The following PDZD2 variants were observed in gnomAD, a reference collection of about 807,000 sequenced individuals.
The protein encoded by PDZD2 is PDZ domain containing 2.
In PDZD2, 90 loss-of-function variants were observed where a neutral mutation model predicts 220.7. The observed-to-expected ratio is 0.41, with a 90% CI of 0.34 to 0.49. The LOEUF (loss-of-function observed/expected upper bound fraction) is 0.49. PDZD2 is among the 20% of genes least tolerant of loss of function. The pLI, the probability that PDZD2 is intolerant of heterozygous loss-of-function variation, is 0.28. For missense variants in PDZD2, 3,174 were observed against 3,608.5 expected, an observed-to-expected ratio of 0.88 and a Z score of 3.08; for synonymous variants, 1,375 against 1,450.5, an observed-to-expected ratio of 0.95 and a Z score of 1.18.
intron 1 of PDZD2, among the ~76,000 whole-genome samples, chr5:31,696,040 C>T (rs1401072116): frequency 1.3e-5 from 2 of 152,032 alleles, no homozygotes; most frequent in Admixed American, 1.3e-4. Context: ...CATTCCAGTG[C>T]CCCCCTCAGC....
At chr5:31,908,082 C>CAAAAAAAAAAA (rs55741622) in intron 2 of PDZD2, among the ~76,000 whole-genome samples, 6 of 76,894 alleles carry the variant, frequency 7.8e-5, no homozygotes, top group African/African-American at 3.3e-4. Context: ...GGCTCCGTCT[C>CAAAAAAAAAAA]AAAAAAAAAA....
chr5:31,684,688 C>A (rs1746781947), intron 1 of PDZD2, among the ~76,000 whole-genome samples: 1 of 151,964 alleles, frequency 6.6e-6, no homozygotes, highest in South Asian at 2.1e-4. Context: ...TTTATATAAT[C>A]TAGCCCCTGC....
At chr5:32,030,554 A>G (rs10061658) in intron 6 of PDZD2, among the ~76,000 whole-genome samples, 86,076 of 152,058 alleles carry the variant, frequency 0.57, 24,818 homozygotes, top group South Asian at 0.63. Flanking sequence ...ATAGGTTTGC[A>G]TGCTGAATTT....
chr5:31,875,516 G>A (rs1307380651), intron 2 of PDZD2, among the ~76,000 whole-genome samples: 2 of 148,782 alleles, frequency 1.3e-5, no homozygotes, highest in Admixed American at 1.3e-4. Context: ...AACCTGGGAG[G>A]TGGAGGTTGC....
chr5:31,654,064 G>T (rs776713799), intron 1 of PDZD2, among the ~76,000 whole-genome samples: 1 of 152,134 alleles, frequency 6.6e-6, no homozygotes, highest in Non-Finnish European at 1.5e-5. Flanking sequence ...GATTACAGGC[G>T]TGGGCCACCG....
At chr5:32,035,346 C>T (rs1380935490) in intron 6 of PDZD2, among the ~76,000 whole-genome samples, 3 of 151,340 alleles carry the variant, frequency 2.0e-5, no homozygotes, top group Admixed American at 6.6e-5. Context: ...CTGCAACCTG[C>T]GCCTCCCAGG....
In PDZD2 at chr5:32,110,435, A is replaced by T. The variant is rs1383260065; in HGVS notation, c.*2300A>T. 6.6e-6 allele frequency: 1 copy of T among 152,658 alleles called. No homozygotes were observed. Among genetic ancestry groups the T allele is most frequent in the South Asian group, 2.1e-4 (1 of 4,836 alleles). 9.5% of individuals were successfully genotyped at this position (152,658 alleles called of 1,614,324 possible). On this transcript the variant is annotated 3_prime_UTR_variant, in exon 25 of 25. Coordinates refer to ENST00000438447, the MANE Select transcript of PDZD2 (RefSeq NM_178140.4). ...AAGCTAAACTGTCTTTGACCCTAAG[A>T]TAGATAGAAAGCTATTTATTTGTCT...
chr5:32,035,409 T>C (rs1755457939), intron 6 of PDZD2, among the ~76,000 whole-genome samples: 2 of 152,130 alleles, frequency 1.3e-5, no homozygotes, highest in African/African-American at 4.8e-5. Context: ...TACAGGTGTG[T>C]GCTACCACAC....
intron 24 of PDZD2, among the ~76,000 whole-genome samples, chr5:32,105,011 T>C (rs974333926): frequency 6.6e-6 from 1 of 151,806 alleles, no homozygotes; most frequent in Non-Finnish European, 1.5e-5. Context: ...GGCACGCACC[T>C]ATAGTCCCAG....
chr5:31,950,801 A>G (rs1747111762), intron 2 of PDZD2, among the ~76,000 whole-genome samples: 1 of 152,144 alleles, frequency 6.6e-6, no homozygotes, highest in Non-Finnish European at 1.5e-5. Context: ...CAACCATGAT[A>G]TATACTCTCT....
intron 17 of PDZD2, among the ~76,000 whole-genome samples, 179 bp downstream of exon 17, chr5:32,072,496 C>A (rs921090046): frequency 6.6e-6 from 1 of 152,246 alleles, no homozygotes; most frequent in East Asian, 1.9e-4. Flanking sequence ...TTGGGGAGGC[C>A]GAGGCGGGGG....
chr5:32,086,602 T>C (rs1042557998), intron 19 of PDZD2, among the ~76,000 whole-genome samples: 2 of 152,188 alleles, frequency 1.3e-5, no homozygotes, highest in Non-Finnish European at 2.9e-5. Context: ...GGGTACTCTA[T>C]AATTTTAGAG....
intron 1 of PDZD2, among the ~76,000 whole-genome samples, chr5:31,709,706 AAC>A (rs1379429976): frequency 6.6e-6 from 1 of 152,212 alleles, no homozygotes; most frequent in Non-Finnish European, 1.5e-5. Flanking sequence ...CTGTAATCCC[AAC>A]ACTTTGGGAG....
chr5:31,854,569 A>G (rs889029782), intron 2 of PDZD2, among the ~76,000 whole-genome samples: 34 of 152,208 alleles, frequency 2.2e-4, no homozygotes, highest in Admixed American at 6.5e-5. Context: ...CGGAGTGGTC[A>G]TGAAGTGAAT....
At chr5:31,840,971 T>C (rs558271491) in intron 2 of PDZD2, 1 of 440,356 alleles carries the variant, frequency 2.3e-6, no homozygotes, top group Non-Finnish European at 4.1e-6. Context: ...GTGTTTCTCA[T>C]TTTGGCGAAT....
intron 1 of PDZD2, among the ~76,000 whole-genome samples, chr5:31,698,412 G>A (rs943672772): frequency 5.5e-5 from 8 of 144,972 alleles, no homozygotes; most frequent in East Asian, 2.2e-4. Context: ...TGGTTAACAC[G>A]GTGAAACCCC....
intron 2 of PDZD2, among the ~76,000 whole-genome samples, chr5:31,964,310 T>G (rs745977648): frequency 4.6e-5 from 7 of 152,218 alleles, no homozygotes; most frequent in Non-Finnish European, 7.3e-5. Context: ...TGAAGCCTCC[T>G]GTAGGTAGAT....
At chr5:32,082,242 G>A (rs981167475) in intron 19 of PDZD2, among the ~76,000 whole-genome samples, 4 of 147,748 alleles carry the variant, frequency 2.7e-5, no homozygotes, top group South Asian at 2.2e-4. Flanking sequence ...GGCTGGTCTC[G>A]AACTCCTGAC....
intron 1 of PDZD2, among the ~76,000 whole-genome samples, chr5:31,751,442 C>T (rs545184759): frequency 6.6e-6 from 1 of 151,994 alleles, no homozygotes; most frequent in Admixed American, 6.6e-5. Flanking sequence ...AGACTTTGGA[C>T]CCACGATGCA....
Sources: allele counts gnomAD v4.1 joint callset (sites outside exome capture counted in the v4.1 genomes callset), GRCh38; gene constraint gnomAD v4.1.1; transcripts MANE v1.5; gene names NCBI Gene and HGNC (gene_info 2026-07-23, HGNC 2026-07-21).